The following DLC1 variants were observed in gnomAD, a reference collection of about 807,000 sequenced individuals.
DLC1 encodes DLC1 Rho GTPase activating protein.
A neutral mutation model predicts 140.3 loss-of-function variants in DLC1; 54 were observed. The observed-to-expected ratio is 0.38, with a 90% CI of 0.31 to 0.48. The LOEUF is 0.48. Ranked by LOEUF, DLC1 falls within the 20% of genes least tolerant of loss-of-function variation. The pLI, the probability that DLC1 is intolerant of heterozygous loss-of-function variation, is 0.96. For missense variants in DLC1, 2,536 were observed against 1,907.0 expected, an observed-to-expected ratio of 1.33 and a Z score of -6.14; for synonymous variants, 986 against 728.1, an observed-to-expected ratio of 1.35 and a Z score of -5.70.
intron 1 of DLC1, among the ~76,000 whole-genome samples, chr8:13,522,305 A>T (rs1320987791): frequency 6.6e-6 from 1 of 152,084 alleles, no homozygotes; most frequent in African/African-American, 2.4e-5. Context: ...TGTAGCTTAA[A>T]TGGGGGGTAC....
Position 13,099,445 on chromosome 8 carries a change from C to A in DLC1, c.2892G>T (p.Leu964=). 6.2e-7 allele frequency: 1 copy of A among 1,614,122 alleles called. No homozygotes were observed. Among genetic ancestry groups the A allele is most frequent in the Non-Finnish European group, 8.5e-7 (1 of 1,180,022 alleles). The part of the protein sequence containing the change: ...VDNDRTTPSD[L]DSTGNSLNEP... ...CATTCAGGGAGTTGCCTGTGCTGTCCAGGTCGCTGGGTGTGGTTCGGTCGT... is the reference window on the plus strand; with the variant it reads ...CATTCAGGGAGTTGCCTGTGCTGTCAAGGTCGCTGGGTGTGGTTCGGTCGT... The change falls in exon 9 of 18, where the codon CTG becomes CTT. Residue 964 remains leucine, a synonymous_variant. Coordinates refer to ENST00000276297, the MANE Select transcript of DLC1 (RefSeq NM_182643.3).
intron 5 of DLC1, among the ~76,000 whole-genome samples, chr8:13,300,203 A>T (rs1486741739): frequency 6.6e-6 from 1 of 152,134 alleles, no homozygotes; most frequent in African/African-American, 2.4e-5. Context: ...AACCCCTCAT[A>T]TTCTCACTTA....
chr8:13,535,669 T>TAAAAAAA (rs55970525), intron 1 of DLC1, among the ~76,000 whole-genome samples: 3 of 114,686 alleles, frequency 2.6e-5, no homozygotes, highest in African/African-American at 3.7e-5. Context: ...CATTGCTCAT[T>TAAAAAAA]AAAAAAAAAA....
At chr8:13,098,362 T>C in intron 10 of DLC1, 37 bp downstream of exon 10, 1 of 1,607,932 alleles carries the variant, frequency 6.2e-7, no homozygotes, top group Non-Finnish European at 8.5e-7. Flanking sequence ...AAAAATATCA[T>C]TTTCAACGAC....
At chr8:13,360,991 G>T (rs1367059918) in intron 4 of DLC1, among the ~76,000 whole-genome samples, 1 of 152,112 alleles carries the variant, frequency 6.6e-6, no homozygotes, top group Non-Finnish European at 1.5e-5. Context: ...AATACTTGGG[G>T]AGGTTGAGGC....
intron 1 of DLC1, among the ~76,000 whole-genome samples, chr8:13,531,880 T>C (rs1803110741): frequency 1.3e-5 from 2 of 152,084 alleles, no homozygotes; most frequent in African/African-American, 4.8e-5. Flanking sequence ...AAGGAAAAAA[T>C]AAACCCCCTA....
intron 4 of DLC1, among the ~76,000 whole-genome samples, chr8:13,319,475 G>GC (rs527612643): frequency 0.22 from 24,134 of 109,162 alleles, 2,351 homozygotes; most frequent in South Asian, 0.31. Context: ...CTGGCGGGGC[G>GC]GGGGGGGGGG....
At chr8:13,422,806 A>T (rs1376990141) in intron 2 of DLC1, among the ~76,000 whole-genome samples, 2 of 152,176 alleles carry the variant, frequency 1.3e-5, no homozygotes, top group Non-Finnish European at 2.9e-5. Context: ...GCTAAAAAAA[A>T]AAAGGAATGC....
chr8:13,480,789 A>C (rs2117116551), intron 2 of DLC1, among the ~76,000 whole-genome samples: 1 of 152,290 alleles, frequency 6.6e-6, no homozygotes, highest in South Asian at 2.1e-4. Context: ...CTGTAGTCCT[A>C]GCTACTAGGG....
chr8:13,313,665 A>G (rs986691459), intron 4 of DLC1, among the ~76,000 whole-genome samples: 1 of 152,226 alleles, frequency 6.6e-6, no homozygotes, highest in Non-Finnish European at 1.5e-5. Context: ...AAACAAATAT[A>G]GGTTGTCTGT....
At chr8:13,121,533 T>C (rs1405250470) in intron 5 of DLC1, among the ~76,000 whole-genome samples, 1 of 152,026 alleles carries the variant, frequency 6.6e-6, no homozygotes, top group African/African-American at 2.4e-5. Context: ...TAGGCAGGCA[T>C]TGCGCTGGGG....
chr8:13,165,183 AAG>A (rs1320121718), intron 5 of DLC1, among the ~76,000 whole-genome samples: 1 of 152,200 alleles, frequency 6.6e-6, no homozygotes, highest in Non-Finnish European at 1.5e-5. Context: ...TATATAATGA[AAG>A]AATTATCTGA....
chr8:13,377,847 A>G (rs1836070956), intron 4 of DLC1, among the ~76,000 whole-genome samples: 1 of 151,882 alleles, frequency 6.6e-6, no homozygotes, highest in Non-Finnish European at 1.5e-5. Flanking sequence ...TCCTATTTCG[A>G]GTCTTGTGTT....
rs201896032 is a variant in DLC1 at position 13,090,593 on chromosome 8, C to T, written c.3856-123G>A. On this transcript the variant is annotated intron_variant, in intron 14 of 17. Transcript: ENST00000276297. ...CCTTAAAGCAGTGCAGGCATCTTCC[C>T]GCCGGAGGTGGGCTATCATGCTGAC... The T allele has an allele frequency of 2.2e-5, 25 of 1,126,304 alleles. No homozygotes were observed. The East Asian group carries it at 2.8e-4, about 13-fold the overall frequency. The allele number at this position is 1,126,304 out of a possible 1,614,324, so 69.8% of individuals were successfully genotyped here.
intron 5 of DLC1, among the ~76,000 whole-genome samples, chr8:13,156,893 T>C (rs1482567577): frequency 6.6e-6 from 1 of 152,254 alleles, no homozygotes; most frequent in African/African-American, 2.4e-5. Flanking sequence ...ACATTCGGGA[T>C]AGGCAGAATA....
chr8:13,426,775 T>A (rs897509101), intron 2 of DLC1, among the ~76,000 whole-genome samples: 2 of 139,168 alleles, frequency 1.4e-5, no homozygotes, highest in African/African-American at 5.1e-5. Context: ...ATTGCCTCGT[T>A]CTTATATATA....
upstream of DLC1, among the ~76,000 whole-genome samples, chr8:13,515,924 T>A (rs1563414934): frequency 6.6e-6 from 1 of 152,188 alleles, no homozygotes; most frequent in Non-Finnish European, 1.5e-5. Flanking sequence ...ACACCAATTT[T>A]CCTTCCTTTA....
chr8:13,444,369 A>C (rs1387555803), intron 2 of DLC1, among the ~76,000 whole-genome samples: 2 of 152,204 alleles, frequency 1.3e-5, no homozygotes, highest in East Asian at 3.9e-4. Flanking sequence ...TGATGGGTGC[A>C]GCAAACCAAC....
At chr8:13,329,104 T>G (rs1671379) in intron 4 of DLC1, among the ~76,000 whole-genome samples, 151,801 of 152,272 alleles carry the variant, frequency 1, 75,666 homozygotes, top group Middle Eastern at 1. Context: ...CACAGGAGCA[T>G]CAACTCAGCT....
Sources: allele counts gnomAD v4.1 joint callset (sites outside exome capture counted in the v4.1 genomes callset), GRCh38; gene constraint gnomAD v4.1.1; transcripts MANE v1.5; gene names NCBI Gene and HGNC (gene_info 2026-07-23, HGNC 2026-07-21).